The following RGS12 variants were observed in gnomAD, a reference collection of about 807,000 sequenced individuals.
RGS12 encodes the protein regulator of G-protein signaling 12.
Under a neutral mutation model 120.1 loss-of-function variants are expected in RGS12, and 66 were observed. The ratio of observed to expected loss-of-function variants is 0.55; its 90% CI spans 0.45 to 0.67. RGS12 has a LOEUF of 0.67. Ranked by LOEUF, RGS12 falls within the 30% of genes least tolerant of loss-of-function variation. The pLI, the probability that RGS12 is intolerant of heterozygous loss-of-function variation, is 0.00. For synonymous variants in RGS12, 827 were observed against 804.7 expected (o/e 1.03, Z -0.47); for missense variants, 1,859 against 1,957.7 (o/e 0.95, Z 0.95).
chr4:3,335,927 TA>T (rs1451332096), intron 2 of RGS12, among the ~76,000 whole-genome samples: 1 of 151,996 alleles, frequency 6.6e-6, no homozygotes, highest in Non-Finnish European at 1.5e-5. Context: ...CCGTCTCTAC[TA>T]AAAATACAAA....
chr4:3,425,624 A>T, intron 14 of RGS12, 64 bp downstream of exon 14: 5 of 595,132 alleles, frequency 8.4e-6, no homozygotes, highest in African/African-American at 4.5e-5. Flanking sequence ...GGAGGGGGCT[A>T]TGGAGCCGGT....
At position 3,414,783 on chromosome 4, in the gene RGS12, A is replaced by G. The variant is rs148646853; in HGVS notation, c.2222A>G (p.Asn741Ser). 2.5e-6 allele frequency: 4 copies of G among 1,613,328 alleles called. No homozygotes were observed. Among genetic ancestry groups the G allele is most frequent in the Non-Finnish European group, 3.4e-6 (4 of 1,179,312 alleles). ...CTAAGGAAAGAATTCAGTGAAGAAA[A>G]CATTTTATTCTGGCAGGCCTGTGAA... ...DFLRKEFSEE[N>S]ILFWQACEYF... Residue 741 changes from asparagine to serine, a missense_variant, in exon 6 of 18, where the codon AAC becomes AGC. Physicochemically the swap from Asn to Ser is conservative, Grantham distance 46. Transcript: ENST00000336727.
chr4:3,307,893 C>A (rs1226047891), intron 1 of RGS12, among the ~76,000 whole-genome samples: 1 of 152,258 alleles, frequency 6.6e-6, no homozygotes, highest in Non-Finnish European at 1.5e-5. Context: ...TCCCAAAGTT[C>A]CAAAAAGTCT....
chr4:3,291,989 G>C (rs1291475717), upstream of RGS12, among the ~76,000 whole-genome samples: 8 of 152,244 alleles, frequency 5.3e-5, no homozygotes, highest in Non-Finnish European at 1.2e-4. Context: ...ACCATGGGGC[G>C]GTGGCGGGGA....
At position 3,389,156 on chromosome 4, in the gene RGS12, G is replaced by A. The variant is rs1430639737; in HGVS notation, c.2020+2719G>A. On this transcript the variant is annotated intron_variant, in intron 4 of 17. Transcript: ENST00000336727. This position sits in a 1 kb window ranked among gnomAD's most constrained non-coding sequence, Gnocchi z 5.2. ...TTTGTGGCTCGGTTTTAAGGAAGTT[G>A]GACTATGCTATTTTGGCAATCTTTG... Among the ~76,000 whole-genome samples, 1 of 152,124 alleles carries A rather than the reference G, an allele frequency of 6.6e-6. No homozygotes were observed. The highest frequency in any genetic ancestry group is 6.5e-5 in the Admixed American group (1 of 15,280).
rs1374289196 is a variant in RGS12, at chr4:3,372,041, T to C, written c.1999-14375T>C. ...CCCTGGCTTTGGCAGGCCGGGAAGATGCCCGTGCCTGTCACCTAATCGGGG... is the reference window on the plus strand; with the variant it reads ...CCCTGGCTTTGGCAGGCCGGGAAGACGCCCGTGCCTGTCACCTAATCGGGG... On this transcript the variant is annotated intron_variant, in intron 3 of 17. Transcript: ENST00000336727. The surrounding 1 kb of genome is among the most constrained non-coding windows in gnomAD (Gnocchi z 4.3). Among the ~76,000 whole-genome samples, 3 of 152,184 alleles carry C rather than the reference T, an allele frequency of 2.0e-5. No individual in the cohort carries two copies. The highest frequency in any genetic ancestry group is 2.9e-5 in the Non-Finnish European group (2 of 68,030).
chr4:3,296,829 G>C (rs575987747), intron 1 of RGS12, among the ~76,000 whole-genome samples: 5 of 152,358 alleles, frequency 3.3e-5, no homozygotes, highest in African/African-American at 1.2e-4. Flanking sequence ...AGGAAGACAA[G>C]CCTTGCTCAG....
In RGS12 at chr4:3,343,034, G is replaced by A. The variant is rs138644192; in HGVS notation, c.1979G>A (p.Arg660His). The stretch of plus-strand genomic sequence containing the variant: ...AGATCCAAGAGATTCAGTATCACTC[G>A]CTCCCTTGATGATCTTGAGGTAATT... ...FGRSKRFSIT[R>H]SLDDLESATV... is the part of the protein sequence containing the mutation. The change falls in exon 3 of 18, where the codon CGC becomes CAC. Residue 660 changes from arginine (R) to histidine (H), a missense_variant. Around this residue, in one of 3 missense-constraint regions of RGS12, gnomAD observed 967 missense variants for 994.2 expected, o/e 0.97. Transcript: ENST00000336727. 32 of 1,608,750 alleles carry A rather than the reference G, an allele frequency of 2.0e-5. No homozygotes were observed. Among genetic ancestry groups the A allele is most frequent in the Admixed American group, 1.5e-4 (9 of 59,962 alleles).
intron 16 of RGS12, among the ~76,000 whole-genome samples, 165 bp from the exon 17 acceptor site, chr4:3,430,242 C>T (rs770632149): frequency 7.9e-5 from 12 of 152,182 alleles, no homozygotes; most frequent in Admixed American, 2.0e-4. Flanking sequence ...CTGTCCCTTC[C>T]GCTGTCTGTG....
intron 4 of RGS12, among the ~76,000 whole-genome samples, chr4:3,399,154 A>G (rs1352841059): frequency 6.6e-6 from 1 of 152,228 alleles, no homozygotes; most frequent in Non-Finnish European, 1.5e-5. Context: ...CAGTGAAAAA[A>G]TTGTAGCATT....
intron 17 of RGS12, among the ~76,000 whole-genome samples, chr4:3,434,839 C>A (rs1461162042): frequency 3.9e-5 from 6 of 152,218 alleles, no homozygotes; most frequent in Non-Finnish European, 8.8e-5. Flanking sequence ...CTCACTGCTG[C>A]CCTGCTGGCT....
At chr4:3,415,901 G>A (rs1156927916) in intron 6 of RGS12, 77 bp from the exon 7 acceptor site, 2 of 1,485,984 alleles carry the variant, frequency 1.3e-6, no homozygotes, top group East Asian at 2.4e-5. Flanking sequence ...AGAGCCCGGG[G>A]GTGTCGGGCC....
chr4:3,430,719 A>G lies in RGS12; in HGVS notation c.3878A>G (p.Lys1293Arg). 1 of 1,590,540 alleles carries G rather than the reference A, an allele frequency of 6.3e-7. No individual in the cohort carries two copies. Among genetic ancestry groups the G allele is most frequent in the Non-Finnish European group, 8.6e-7 (1 of 1,168,034 alleles). The change falls in exon 17 of 18, where the codon AAG becomes AGG. Residue 1293 changes from lysine to arginine, a missense_variant. Lys to Arg is a conservative substitution (Grantham distance 26, BLOSUM62 2). Around this residue, in one of 3 missense-constraint regions of RGS12, gnomAD observed 517 missense variants for 488.5 expected, o/e 1.06. Transcript: ENST00000336727. ...CCTGGGACGACCCCCCCCGGGCAGA[A>G]GTCTCCCAGCGGGCCCTTCTGCACT... is the stretch of plus-strand genomic sequence containing the variant. ...GPPGTTPPGQKSPSGPFCTPQ... is the reference protein window; with the variant it reads ...GPPGTTPPGQRSPSGPFCTPQ...
intron 3 of RGS12, among the ~76,000 whole-genome samples, chr4:3,357,086 G>A (rs1714966728): frequency 6.6e-6 from 1 of 152,168 alleles, no homozygotes; most frequent in Non-Finnish European, 1.5e-5. Context: ...TAGTGAGTGT[G>A]AAGTGGTATC....
At chr4:3,413,999 G>A (rs1722046317) in intron 4 of RGS12, 73 bp from the exon 5 acceptor site, 13 of 1,442,168 alleles carry the variant, frequency 9.0e-6, no homozygotes, top group Non-Finnish European at 1.1e-5. Flanking sequence ...AGGGTCTCCT[G>A]TGGGCGGGCA....
intron 3 of RGS12, 186 bp downstream of exon 3, chr4:3,343,239 G>A (rs1347471947): frequency 5.4e-6 from 3 of 550,892 alleles, no homozygotes; most frequent in Non-Finnish European, 9.7e-6. Flanking sequence ...ACCCTGCAAT[G>A]TGTCTGAGCT....
intron 9 of RGS12, chr4:3,418,431 G>T (rs1722643921): frequency 6.6e-6 from 1 of 152,312 alleles, no homozygotes; most frequent in East Asian, 1.9e-4. Context: ...TGAAGGCAGG[G>T]GACTGGCACT....
At chr4:3,315,409 G>T (rs1724673594) in intron 1 of RGS12, among the ~76,000 whole-genome samples, 1 of 152,206 alleles carries the variant, frequency 6.6e-6, no homozygotes. Flanking sequence ...TTTTTAGGTG[G>T]TGGTTTTTAT....
At chr4:3,287,874 G>A in the RGS12 span, among the ~76,000 whole-genome samples, 1 of 152,216 alleles carries the variant, frequency 6.6e-6, no homozygotes, top group African/African-American at 2.4e-5. Context: ...GTCCCACGGG[G>A]CCTGGGTGGG....
Sources: gnomAD v4.1 joint callset for allele counts (sites outside exome capture counted in the v4.1 genomes callset) on GRCh38, gnomAD v4.1.1 for gene constraint, gnomAD v4.1.1 regional missense constraint, Gnocchi (gnomAD v3.1) non-coding constraint, MANE v1.5 for transcripts, NCBI Gene and HGNC (gene_info 2026-07-23, HGNC 2026-07-21) for gene names.